Variants in CACNA1C observed in about 807,000 individuals in gnomAD.
CACNA1C encodes the protein calcium voltage-gated channel subunit alpha1 C.
In CACNA1C, 30 loss-of-function variants were observed where a neutral mutation model predicts 229.0. The observed-to-expected ratio is 0.13, with a 90% CI of 0.10 to 0.18. The LOEUF (loss-of-function observed/expected upper bound fraction) is 0.18. Among genes scored for constraint, CACNA1C ranks in the 10% least tolerant of loss-of-function variants. The probability of loss-of-function intolerance (pLI) is 1.00; values close to 1 mark genes in which losing one functional copy is unlikely to be tolerated. For synonymous variants in CACNA1C, 1,114 were observed against 1,132.5 expected (o/e 0.98, Z 0.33); for missense variants, 1,658 against 2,845.0 (o/e 0.58, Z 9.49).
chr12:2,623,341 C>T (rs1454566589), intron 29 of CACNA1C, among the ~76,000 whole-genome samples: 1 of 152,078 alleles, frequency 6.6e-6, no homozygotes, highest in African/African-American at 2.4e-5. Flanking sequence ...CTGAGTGCCC[C>T]CACGAGCCTC....
chr12:2,304,314 G>A (rs1479187191), intron 3 of CACNA1C, among the ~76,000 whole-genome samples: 3 of 152,164 alleles, frequency 2.0e-5, no homozygotes, highest in South Asian at 4.1e-4. Flanking sequence ...CCTAGGACAC[G>A]CTTTGGGCTT....
intron 3 of CACNA1C, among the ~76,000 whole-genome samples, chr12:2,237,667 C>G (rs1184315151): frequency 6.6e-6 from 1 of 152,198 alleles, no homozygotes; most frequent in Admixed American, 6.5e-5. Context: ...TTTCTGCTCC[C>G]TATGATGTTG....
At chr12:2,638,612 G>A (rs926886408) in intron 30 of CACNA1C, among the ~76,000 whole-genome samples, 3 of 152,232 alleles carry the variant, frequency 2.0e-5, no homozygotes, top group Non-Finnish European at 4.4e-5. Context: ...CATCCAGGTG[G>A]AAGATGCATA....
At chr12:2,236,842 A>C (rs369427193) in intron 3 of CACNA1C, among the ~76,000 whole-genome samples, 3 of 152,284 alleles carry the variant, frequency 2.0e-5, no homozygotes, top group Middle Eastern at 3.4e-3. Flanking sequence ...AGGCTGTGGT[A>C]TCTTCCTCCC....
chr12:2,541,108 G>T (rs985734466), intron 9 of CACNA1C, among the ~76,000 whole-genome samples: 2 of 152,116 alleles, frequency 1.3e-5, no homozygotes, highest in Admixed American at 6.5e-5. Flanking sequence ...GGTCACACTG[G>T]ATTCAGCCCA....
At chr12:2,076,310 A>G (rs2063162455) in intron 1 of CACNA1C, among the ~76,000 whole-genome samples, 1 of 152,192 alleles carries the variant, frequency 6.6e-6, no homozygotes, top group South Asian at 2.1e-4. Context: ...GCAATGTCAA[A>G]TGGGTCTGTT....
chr12:2,404,068 C>G (rs1303498035), intron 3 of CACNA1C, among the ~76,000 whole-genome samples: 1 of 152,200 alleles, frequency 6.6e-6, no homozygotes, highest in Non-Finnish European at 1.5e-5. Flanking sequence ...GGCGCTTCAT[C>G]CATTTCCCTG....
Position 2,597,401 on chromosome 12 carries a change from C to A in CACNA1C, c.2853+112C>A. 6.4e-7 allele frequency: 1 copy of A among 1,563,900 alleles called. No homozygotes were observed. Among genetic ancestry groups the A allele is most frequent in the Non-Finnish European group, 8.8e-7 (1 of 1,134,460 alleles). ...CCTTCCTGTTGGTGTGGGGTTCACT[C>A]TCAGAGCCACTAATCCAATTATGCT... On this transcript the variant is annotated intron_variant, in intron 21 of 46. Coordinates refer to ENST00000399655, the MANE Select transcript of CACNA1C (RefSeq NM_000719.7). The surrounding 1 kb of genome is among the most constrained non-coding windows in gnomAD (Gnocchi z 4.3).
chr12:2,420,646 G>A (rs1320998818), intron 3 of CACNA1C, among the ~76,000 whole-genome samples: 2 of 152,218 alleles, frequency 1.3e-5, no homozygotes, highest in African/African-American at 4.8e-5. Flanking sequence ...CAAGGTCTCT[G>A]GAACATCTGT....
At chr12:2,494,415 C>G (rs1332690868) in intron 7 of CACNA1C, among the ~76,000 whole-genome samples, 1 of 152,194 alleles carries the variant, frequency 6.6e-6, no homozygotes, top group African/African-American at 2.4e-5. Context: ...AAATGACTTG[C>G]CAGAATCCAG....
intron 1 of CACNA1C, among the ~76,000 whole-genome samples, chr12:2,079,132 G>A (rs2064424412): frequency 7.8e-6 from 1 of 128,192 alleles, no homozygotes; most frequent in Non-Finnish European, 1.6e-5. Context: ...GCTGTTGTGG[G>A]GTGGGGGGAG....
intron 3 of CACNA1C, among the ~76,000 whole-genome samples, chr12:2,297,501 C>T (rs192140203): frequency 6.6e-6 from 1 of 152,292 alleles, no homozygotes; most frequent in African/African-American, 2.4e-5. Context: ...GGCAGTGGCC[C>T]TTGCTTCCAA....
intron 3 of CACNA1C, among the ~76,000 whole-genome samples, chr12:2,191,596 TCA>T (rs894322973): frequency 6.6e-5 from 10 of 151,708 alleles, no homozygotes; most frequent in East Asian, 1.9e-4. Flanking sequence ...ACACATGCAC[TCA>T]CACACATGCG....
chr12:2,470,837 C>A (rs561084804), intron 5 of CACNA1C, among the ~76,000 whole-genome samples: 89 of 152,022 alleles, frequency 5.9e-4, no homozygotes, highest in African/African-American at 2.1e-3. Context: ...ACCTTCTATA[C>A]TTGATCTTTT....
chr12:2,493,134 C>T lies in CACNA1C; in HGVS notation c.917-56C>T, dbSNP rs914553222. 6.8e-7 allele frequency: 1 copy of T among 1,467,194 alleles called. No homozygotes were observed. Among genetic ancestry groups the T allele is most frequent in the Non-Finnish European group, 9.5e-7 (1 of 1,049,512 alleles). The allele number at this position is 1,467,194 out of a possible 1,614,324, so 90.9% of individuals were successfully genotyped here. On this transcript the variant is annotated intron_variant, in intron 6 of 46. Transcript: ENST00000399655. This position sits in a 1 kb window ranked among gnomAD's most constrained non-coding sequence, Gnocchi z 4.6. ...CTTTTCTCTCTGACTTCTTTCTCTG[C>T]CCACATCTCTCCCTCCCTGCTGCTC...
At position 2,467,788 on chromosome 12, in the gene CACNA1C, C is replaced by T. The variant is rs1216807894; in HGVS notation, c.757+10082C>T. Among the ~76,000 whole-genome samples, 1 of 152,218 alleles carries T rather than the reference C, an allele frequency of 6.6e-6. No homozygotes were observed. The highest frequency in any genetic ancestry group is 2.4e-5 in the African/African-American group (1 of 41,472). On this transcript the variant is annotated intron_variant, in intron 5 of 46. Transcript: ENST00000399655. This position sits in a 1 kb window ranked among gnomAD's most constrained non-coding sequence, Gnocchi z 4.6. The stretch of plus-strand genomic sequence containing the variant: ...GCATCCCCAGTTAAGCAACTCTCTT[C>T]CCGGCATCCTCCCAGGTGCCCCTGA...
intron 3 of CACNA1C, among the ~76,000 whole-genome samples, chr12:2,185,046 T>C (rs2096955302): frequency 6.6e-6 from 1 of 150,706 alleles, no homozygotes; most frequent in South Asian, 2.1e-4. Flanking sequence ...GCTCCTGGGC[T>C]TTACAACTCA....
intron 3 of CACNA1C, among the ~76,000 whole-genome samples, chr12:2,440,505 T>C (rs1322376331): frequency 6.8e-6 from 1 of 146,062 alleles, no homozygotes; most frequent in East Asian, 1.9e-4. Context: ...GAAGGAAGGC[T>C]TCTTCATGGC....
chr12:2,327,944 A>G (rs2096392933), intron 3 of CACNA1C, among the ~76,000 whole-genome samples: 1 of 152,204 alleles, frequency 6.6e-6, no homozygotes, highest in Non-Finnish European at 1.5e-5. Flanking sequence ...TCCTTCACCT[A>G]TGGCCTGTTC....
Sources: gnomAD v4.1 joint callset for allele counts (sites outside exome capture counted in the v4.1 genomes callset) on GRCh38, gnomAD v4.1.1 for gene constraint, Gnocchi (gnomAD v3.1) non-coding constraint, MANE v1.5 for transcripts, NCBI Gene and HGNC (gene_info 2026-07-23, HGNC 2026-07-21) for gene names.